Variants in PPP2R2B observed in about 807,000 individuals in gnomAD.
PPP2R2B encodes the protein protein phosphatase 2 regulatory subunit Bbeta, also known as serine/threonine-protein phosphatase 2A 55 kDa regulatory subunit B beta isoform.
Under a neutral mutation model 46.0 loss-of-function variants are expected in PPP2R2B, and 5 were observed. The observed-to-expected ratio is 0.11, with a 90% CI of 0.06 to 0.23. The LOEUF is 0.23. Ranked by LOEUF, PPP2R2B falls within the 10% of genes least tolerant of loss-of-function variation. The pLI, the probability that PPP2R2B is intolerant of heterozygous loss-of-function variation, is 1.00. For missense variants in PPP2R2B, 367 were observed against 575.0 expected (o/e 0.64, Z 3.70); for synonymous variants, 215 against 206.7 (o/e 1.04, Z -0.34).
intron 1 of PPP2R2B, among the ~76,000 whole-genome samples, chr5:147,036,187 C>T (rs1361453304): frequency 6.6e-6 from 1 of 152,126 alleles, no homozygotes; most frequent in East Asian, 1.9e-4. Context: ...TTCCAACAGA[C>T]CCCAGTGTGT....
intron 2 of PPP2R2B, among the ~76,000 whole-genome samples, chr5:146,717,576 C>CCACAATCT (rs1354801135): frequency 6.6e-6 from 1 of 152,146 alleles, no homozygotes; most frequent in African/African-American, 2.4e-5. Flanking sequence ...TCAACACTGG[C>CCACAATCT]CACAATCTCA....
intron 2 of PPP2R2B, among the ~76,000 whole-genome samples, chr5:146,717,997 T>C (rs1780589648): frequency 6.6e-6 from 1 of 152,204 alleles, no homozygotes; most frequent in East Asian, 1.9e-4. Context: ...CTTTAATGCA[T>C]CTACCATAAT....
At chr5:146,944,332 T>A (rs2151831218) in intron 1 of PPP2R2B, among the ~76,000 whole-genome samples, 1 of 152,122 alleles carries the variant, frequency 6.6e-6, no homozygotes, top group Non-Finnish European at 1.5e-5. Flanking sequence ...GAAAAGAGAT[T>A]TTCAAGCTTT....
At chr5:146,835,941 A>G (rs1561945595) in intron 2 of PPP2R2B, among the ~76,000 whole-genome samples, 1 of 152,164 alleles carries the variant, frequency 6.6e-6, no homozygotes, top group Non-Finnish European at 1.5e-5. Context: ...GATTTAAGCT[A>G]TGGGACCAAT....
In PPP2R2B at chr5:147,002,981, T is replaced by TC. The variant is rs1754250607; in HGVS notation, c.79+52683dup. Among the ~76,000 whole-genome samples the TC allele has an allele frequency of 3.3e-5, 5 of 152,234 alleles. No homozygotes were observed. In the South Asian group the frequency reaches 1.0e-3, roughly 32 times the overall value. ...CTGAAAAAGAGGCAGCTCATTTTTT[T>TC]CTGCACTATGGCCTGGCCCCAATAT... On this transcript the variant is annotated intron_variant, in intron 1 of 8. Transcript: ENST00000336640.
chr5:147,041,355 C>T (rs1756288690), intron 1 of PPP2R2B, among the ~76,000 whole-genome samples: 1 of 152,154 alleles, frequency 6.6e-6, no homozygotes, highest in South Asian at 2.1e-4. Context: ...TCCTTTGCTT[C>T]TGAGTTCACC....
chr5:146,706,904 T>A, intron 2 of PPP2R2B: 1 of 1,285,274 alleles, frequency 7.8e-7, no homozygotes, highest in Non-Finnish European at 1.1e-6. Flanking sequence ...GTCCGAGATC[T>A]GGGACTGCAG....
At chr5:146,953,417 A>T (rs1167713852) in intron 1 of PPP2R2B, among the ~76,000 whole-genome samples, 2 of 152,144 alleles carry the variant, frequency 1.3e-5, no homozygotes, top group African/African-American at 4.8e-5. Flanking sequence ...AGCTCCAAAC[A>T]TAGAAGTCAC....
chr5:146,850,656 C>T (rs1760290463), intron 2 of PPP2R2B, among the ~76,000 whole-genome samples: 1 of 152,134 alleles, frequency 6.6e-6, no homozygotes, highest in Non-Finnish European at 1.5e-5. Flanking sequence ...ATTCTTTCAC[C>T]AGGGAAGCCT....
At chr5:146,602,906 A>G (rs1011836143) in intron 7 of PPP2R2B, among the ~76,000 whole-genome samples, 1 of 152,186 alleles carries the variant, frequency 6.6e-6, no homozygotes, top group African/African-American at 2.4e-5. Context: ...CTAGATAGGA[A>G]GAAAATTTTC....
chr5:147,079,420 AACAC>A (rs1012012826), intron 2 of PPP2R2B, among the ~76,000 whole-genome samples: 4 of 128,822 alleles, frequency 3.1e-5, no homozygotes, highest in Non-Finnish European at 4.8e-5. Flanking sequence ...TATACACACA[AACAC>A]ACACACATTT....
intron 1 of PPP2R2B, among the ~76,000 whole-genome samples, chr5:146,927,218 A>G (rs1054864436): frequency 1.3e-5 from 2 of 152,146 alleles, no homozygotes; most frequent in Non-Finnish European, 1.5e-5. Flanking sequence ...TGAAGTTTCC[A>G]ACTTTGCACA....
chr5:146,999,551 A>T (rs1346565030), intron 1 of PPP2R2B, among the ~76,000 whole-genome samples: 1 of 152,170 alleles, frequency 6.6e-6, no homozygotes, highest in Non-Finnish European at 1.5e-5. Context: ...CATGCCACTA[A>T]GGTTGGAAAT....
chr5:146,706,917 C>A (rs1581920170), intron 2 of PPP2R2B: 1 of 1,254,928 alleles, frequency 8.0e-7, no homozygotes, highest in South Asian at 1.2e-5. Flanking sequence ...GACTGCAGCT[C>A]CCGGATCTCC....
At position 146,807,776 on chromosome 5, in the gene PPP2R2B, C is replaced by CTTTTTTTTTT. The variant is rs10583721; in HGVS notation, c.70+70216_70+70225dup. ...TTGGTTAAACCTCCTGGGGTGCCTT[C>CTTTTTTTTTT]TTTTTTTTTTTTTTTTTTTTTTTTT... On this transcript the variant is annotated intron_variant, in intron 2 of 9. Coordinates refer to ENST00000394411, the MANE Select transcript of PPP2R2B (RefSeq NM_181675.4). Among the ~76,000 whole-genome samples, 168 of 36,932 alleles carry CTTTTTTTTTT rather than the reference C, an allele frequency of 4.5e-3. 47 individuals carry two copies. The highest frequency in any genetic ancestry group is 6.6e-3 in the Non-Finnish European group (119 of 18,068). The allele number at this position is 36,932 out of a possible 152,430, so 24.2% of individuals were successfully genotyped here. A position where few individuals can be genotyped will look rare whatever the true frequency, so the allele number is the denominator to read the frequency against.
chr5:146,795,226 A>G (rs777355378), intron 2 of PPP2R2B, among the ~76,000 whole-genome samples: 1 of 152,164 alleles, frequency 6.6e-6, no homozygotes, highest in Non-Finnish European at 1.5e-5. Context: ...TATCTTGAAG[A>G]GACATGTAAA....
At chr5:147,064,751 C>T (rs1757368700) in intron 2 of PPP2R2B, among the ~76,000 whole-genome samples, 1 of 152,112 alleles carries the variant, frequency 6.6e-6, no homozygotes, top group African/African-American at 2.4e-5. Flanking sequence ...TTTGGTCTTA[C>T]CTAGCTCTTT....
chr5:146,752,928 C>T (rs1329315456), intron 2 of PPP2R2B, among the ~76,000 whole-genome samples: 4 of 152,172 alleles, frequency 2.6e-5, no homozygotes, highest in Non-Finnish European at 5.9e-5. Flanking sequence ...CTTCGGGGAA[C>T]ACAGGTGAAA....
intron 6 of PPP2R2B, among the ~76,000 whole-genome samples, chr5:146,649,382 T>C (rs1775794811): frequency 6.6e-6 from 1 of 151,920 alleles, no homozygotes; most frequent in African/African-American, 2.4e-5. Context: ...GTCAACATAG[T>C]GGGGGTGAAA....
Sources: allele counts gnomAD v4.1 joint callset (sites outside exome capture counted in the v4.1 genomes callset), GRCh38; gene constraint gnomAD v4.1.1; transcripts MANE v1.5; gene names NCBI Gene and HGNC (gene_info 2026-07-23, HGNC 2026-07-21).